Variants in NRXN3 observed in about 807,000 individuals in gnomAD.
NRXN3 encodes neurexin 3, also known as neurexin III.
NRXN3 carries 32 observed loss-of-function variants against 137.6 expected under a neutral mutation model. The ratio of observed to expected loss-of-function variants is 0.23; its 90% CI spans 0.18 to 0.31. The LOEUF is 0.31. NRXN3 is among the 10% of genes least tolerant of loss of function. NRXN3 has a pLI of 1.00. For missense variants in NRXN3, 1,574 were observed against 2,062.5 expected, an observed-to-expected ratio of 0.76 and a Z score of 4.59; for synonymous variants, 798 against 784.5, an observed-to-expected ratio of 1.02 and a Z score of -0.29.
At chr14:79,606,483 A>C (rs563322862) in intron 16 of NRXN3, among the ~76,000 whole-genome samples, 9 of 152,216 alleles carry the variant, frequency 5.9e-5, no homozygotes, top group African/African-American at 2.2e-4. Context: ...TTATGTGAGC[A>C]TGCAAAAGTG....
At chr14:78,266,728 G>A (rs2071804568) in intron 2 of NRXN3, among the ~76,000 whole-genome samples, 1 of 152,216 alleles carries the variant, frequency 6.6e-6, no homozygotes, top group East Asian at 1.9e-4. Context: ...ATATGCATGG[G>A]CCTCAGACTC....
At chr14:79,632,917 A>G (rs921401672) in intron 16 of NRXN3, among the ~76,000 whole-genome samples, 4 of 152,146 alleles carry the variant, frequency 2.6e-5, no homozygotes, top group African/African-American at 9.7e-5. Context: ...ATTGTGTTCT[A>G]TGTGTCCGTC....
rs546040440 is a variant in NRXN3 at position 78,382,145 on chromosome 14, C to T, written c.757+84285C>T. Among the ~76,000 whole-genome samples, 3 of 152,214 alleles carry T rather than the reference C, an allele frequency of 2.0e-5. No individual in the cohort carries two copies. The South Asian group carries it at 6.2e-4, about 32-fold the overall frequency. The stretch of plus-strand genomic sequence containing the variant: ...AACATTCATGTAAATGTACAATTAA[C>T]TCAATATAAAAAAAGTAATAAAAAA... On this transcript the variant is annotated intron_variant, in intron 4 of 20. Coordinates refer to ENST00000335750, the MANE Select transcript of NRXN3 (RefSeq NM_001330195.2).
intron 19 of NRXN3, chr14:79,791,250 C>A (rs1055440133): frequency 6.6e-6 from 1 of 151,900 alleles, no homozygotes; most frequent in Non-Finnish European, 1.5e-5. Context: ...TCCCGTGGCG[C>A]CCTTGCATCC....
At chr14:78,937,245 C>T (rs748757509) in intron 10 of NRXN3, among the ~76,000 whole-genome samples, 1 of 151,484 alleles carries the variant, frequency 6.6e-6, no homozygotes. Flanking sequence ...TTTCTAGTCT[C>T]TCTGATCTCC....
intron 6 of NRXN3, among the ~76,000 whole-genome samples, chr14:78,686,912 C>T (rs2098130677): frequency 6.6e-6 from 1 of 152,128 alleles, no homozygotes; most frequent in African/African-American, 2.4e-5. Context: ...TGAGGGGTCC[C>T]TGCTTTCATA....
chr14:79,551,743 C>CA (rs1483317127), intron 16 of NRXN3, among the ~76,000 whole-genome samples: 1 of 152,290 alleles, frequency 6.6e-6, no homozygotes, highest in East Asian at 1.9e-4. Flanking sequence ...GGGAATAGTA[C>CA]ACCCTGGGAA....
At chr14:79,384,286 T>C (rs1391144567) in intron 15 of NRXN3, among the ~76,000 whole-genome samples, 1 of 152,008 alleles carries the variant, frequency 6.6e-6, no homozygotes, top group Non-Finnish European at 1.5e-5. Context: ...GAGGCAGATA[T>C]GCAAACAAAA....
At chr14:78,736,311 G>A (rs1327605163) in intron 8 of NRXN3, among the ~76,000 whole-genome samples, 1 of 152,166 alleles carries the variant, frequency 6.6e-6, no homozygotes, top group Non-Finnish European at 1.5e-5. Context: ...GGTTTTGGTG[G>A]CAGGCAGAAT....
At chr14:79,251,799 T>C (rs1294146899) in intron 15 of NRXN3, among the ~76,000 whole-genome samples, 1 of 151,982 alleles carries the variant, frequency 6.6e-6, no homozygotes, top group Non-Finnish European at 1.5e-5. Context: ...CTCTCTTTTA[T>C]TCTCTCTTTT....
chr14:79,559,408 G>T (rs545269314), intron 16 of NRXN3, among the ~76,000 whole-genome samples: 1 of 152,180 alleles, frequency 6.6e-6, no homozygotes, highest in African/African-American at 2.4e-5. Flanking sequence ...GTGTCTCAGA[G>T]AATAGGGAGA....
chr14:79,423,383 G>A (rs2095609598), intron 15 of NRXN3, among the ~76,000 whole-genome samples: 2 of 152,070 alleles, frequency 1.3e-5, no homozygotes, highest in Non-Finnish European at 2.9e-5. Flanking sequence ...CCAACCTATT[G>A]GGTATACATC....
At chr14:79,581,036 C>G (rs1004908950) in intron 16 of NRXN3, among the ~76,000 whole-genome samples, 3 of 152,062 alleles carry the variant, frequency 2.0e-5, no homozygotes, top group Non-Finnish European at 2.9e-5. Context: ...GGTATGGGAG[C>G]CTTCCCTCTC....
intron 4 of NRXN3, among the ~76,000 whole-genome samples, chr14:78,579,237 G>A (rs893617998): frequency 3.9e-5 from 6 of 152,162 alleles, no homozygotes; most frequent in African/African-American, 1.4e-4. Context: ...AAGTATCTTG[G>A]ATATGCCTTA....
chr14:79,317,136 G>A (rs1361997749), intron 15 of NRXN3, among the ~76,000 whole-genome samples: 2 of 152,120 alleles, frequency 1.3e-5, no homozygotes, highest in African/African-American at 4.8e-5. Context: ...GGAGGCTGAG[G>A]CAGGATAATT....
chr14:78,500,721 G>C (rs2095863101), intron 4 of NRXN3, among the ~76,000 whole-genome samples: 1 of 152,112 alleles, frequency 6.6e-6, no homozygotes, highest in African/African-American at 2.4e-5. Flanking sequence ...GTCAGGAAAA[G>C]CTCCCTTATA....
At chr14:78,724,946 T>C (rs1457286866) in intron 8 of NRXN3, among the ~76,000 whole-genome samples, 1 of 152,220 alleles carries the variant, frequency 6.6e-6, no homozygotes, top group Non-Finnish European at 1.5e-5. Context: ...GACCCCCTTC[T>C]GTGGGCTACT....
At chr14:78,910,773 T>C (rs868049221) in intron 10 of NRXN3, among the ~76,000 whole-genome samples, 2 of 152,174 alleles carry the variant, frequency 1.3e-5, no homozygotes, top group African/African-American at 4.8e-5. Flanking sequence ...TAGTCTCATT[T>C]ACCAATGTTA....
chr14:79,210,609 C>G (rs74067910), intron 15 of NRXN3, among the ~76,000 whole-genome samples: 2,061 of 152,254 alleles, frequency 0.014, 37 homozygotes, highest in African/African-American at 0.046. Flanking sequence ...AGAAAAATGT[C>G]TACCGACTTC....
Sources: allele counts gnomAD v4.1 joint callset (sites outside exome capture counted in the v4.1 genomes callset), GRCh38; gene constraint gnomAD v4.1.1; transcripts MANE v1.5; gene names NCBI Gene and HGNC (gene_info 2026-07-23, HGNC 2026-07-21).